Variants in TMEM233 observed in about 807,000 individuals in gnomAD.
TMEM233 encodes the protein dispanin subfamily B member 2.
In TMEM233, 6 loss-of-function variants were observed where a neutral mutation model predicts 11.2. The ratio of observed to expected loss-of-function variants is 0.54; its 90% CI spans 0.29 to 1.06. TMEM233 has a LOEUF of 1.06. Ranked by LOEUF, TMEM233 falls within the 50% of genes least tolerant of loss-of-function variation. The probability of loss-of-function intolerance (pLI) is 0.08; values close to 1 mark genes in which losing one functional copy is unlikely to be tolerated. For missense variants in TMEM233, 127 were observed against 144.7 expected, an observed-to-expected ratio of 0.88 and a Z score of 0.63; for synonymous variants, 59 against 55.8, an observed-to-expected ratio of 1.06 and a Z score of -0.26.
chr12:119,602,983 G>A (rs1035500625), intron 1 of TMEM233, among the ~76,000 whole-genome samples: 10 of 152,218 alleles, frequency 6.6e-5, no homozygotes, highest in African/African-American at 2.2e-4. Flanking sequence ...GGCCAGGCAC[G>A]GAAGCTCATG....
At chr12:119,596,809 T>C (rs1024805113) in intron 1 of TMEM233, among the ~76,000 whole-genome samples, 1 of 152,152 alleles carries the variant, frequency 6.6e-6, no homozygotes, top group East Asian at 1.9e-4. Context: ...TGTACCTTTT[T>C]AAAGCCTTGG....
downstream of TMEM233, among the ~76,000 whole-genome samples, chr12:119,644,723 C>T (rs939286800): frequency 1.3e-5 from 2 of 152,130 alleles, no homozygotes; most frequent in Non-Finnish European, 2.9e-5. Flanking sequence ...AGGTGATCCA[C>T]CCACCTCGGC....
intron 1 of TMEM233, among the ~76,000 whole-genome samples, chr12:119,617,067 G>A (rs891511245): frequency 6.6e-6 from 1 of 152,154 alleles, no homozygotes; most frequent in Non-Finnish European, 1.5e-5. Context: ...CACAGAGAGT[G>A]GGGAGCTGCT....
chr12:119,607,224 G>A (rs1954298446), intron 1 of TMEM233, among the ~76,000 whole-genome samples: 1 of 152,154 alleles, frequency 6.6e-6, no homozygotes, highest in Non-Finnish European at 1.5e-5. Context: ...ACCCACCAGG[G>A]TTTTAATCTT....
chr12:119,638,316 A>C lies in TMEM233; in HGVS notation c.324-2383A>C, dbSNP rs374056866. Reference sequence around the variant, plus strand: ...CTCTACTAAAAATTTAAAAAAATATATCTGGGCTTGGTGGCATGCACCTGT... The same window carrying C: ...CTCTACTAAAAATTTAAAAAAATATCTCTGGGCTTGGTGGCATGCACCTGT... On this transcript the variant is annotated intron_variant, in intron 2 of 2. Transcript: ENST00000426426. Among the ~76,000 whole-genome samples, 23 of 152,156 alleles carry C rather than the reference A, an allele frequency of 1.5e-4. 1 individual carries two copies. Among genetic ancestry groups the C allele is most frequent in the South Asian group, 1.5e-3 (7 of 4,816 alleles).
chr12:119,633,956 T>A (rs1383483747), intron 2 of TMEM233, among the ~76,000 whole-genome samples: 1 of 152,218 alleles, frequency 6.6e-6, no homozygotes, highest in Admixed American at 6.5e-5. Context: ...AACATCTGCA[T>A]CTTTCAGCTG....
intron 1 of TMEM233, among the ~76,000 whole-genome samples, chr12:119,612,750 CAAA>C (rs35540796): frequency 8.5e-4 from 92 of 108,520 alleles, no homozygotes; most frequent in African/African-American, 1.4e-3. Context: ...GACTCCGTCT[CAAA>C]AAAAAAAAAA....
intron 2 of TMEM233, among the ~76,000 whole-genome samples, chr12:119,637,471 T>G (rs757811940): frequency 5.9e-5 from 9 of 152,244 alleles, no homozygotes; most frequent in Non-Finnish European, 1.0e-4. Context: ...AATCCTTTCC[T>G]GGTCTCAAAA....
At chr12:119,622,712 C>G (rs2136746325) in intron 1 of TMEM233, among the ~76,000 whole-genome samples, 1 of 152,296 alleles carries the variant, frequency 6.6e-6, no homozygotes, top group Non-Finnish European at 1.5e-5. Context: ...AATCTCAGAG[C>G]TGGAATCTCT....
In TMEM233 at chr12:119,614,411, C is replaced by CGAGAGAGAGAGA. The variant is rs57846015; in HGVS notation, c.187-15311_187-15300dup. ...GAGAGAGAGAGAGACTCCATCTCAA[C>CGAGAGAGAGAGA]GAGAGAGAGAGAGAGAGAGAGAGAG... On this transcript the variant is annotated intron_variant, in intron 1 of 2. Coordinates refer to ENST00000426426, the MANE Select transcript of TMEM233 (RefSeq NM_001136534.3). Among the ~76,000 whole-genome samples the CGAGAGAGAGAGA allele has an allele frequency of 3.1e-4, 45 of 143,628 alleles. 1 individual carries two copies. Among genetic ancestry groups the CGAGAGAGAGAGA allele is most frequent in the African/African-American group, 1.0e-3 (41 of 39,212 alleles). 94.2% of individuals were successfully genotyped at this position (143,628 alleles called of 152,430 possible). A position where few individuals can be genotyped will look rare whatever the true frequency, so the allele number is the denominator to read the frequency against.
chr12:119,601,079 C>T (rs953903835), intron 1 of TMEM233, among the ~76,000 whole-genome samples: 1 of 151,702 alleles, frequency 6.6e-6, no homozygotes, highest in Non-Finnish European at 1.5e-5. Flanking sequence ...GAAAGTTCCA[C>T]AAAAAGGAAA....
the TMEM233 span, among the ~76,000 whole-genome samples, chr12:119,650,242 A>C: frequency 6.6e-6 from 1 of 152,066 alleles, no homozygotes; most frequent in Non-Finnish European, 1.5e-5. Context: ...CTTTGACATG[A>C]TCTCTCATTT....
At chr12:119,604,584 C>T (rs1421066910) in intron 1 of TMEM233, among the ~76,000 whole-genome samples, 1 of 152,082 alleles carries the variant, frequency 6.6e-6, no homozygotes, top group Non-Finnish European at 1.5e-5. Context: ...CACCTCTCCC[C>T]CTTTCTTCCA....
At chr12:119,609,197 A>G (rs1025267949) in intron 1 of TMEM233, among the ~76,000 whole-genome samples, 10 of 152,152 alleles carry the variant, frequency 6.6e-5, no homozygotes, top group Non-Finnish European at 1.5e-4. Context: ...AGTAAAGGTC[A>G]CTCTTGCTAT....
chr12:119,633,169 C>A (rs757716820), intron 2 of TMEM233, among the ~76,000 whole-genome samples: 10 of 152,118 alleles, frequency 6.6e-5, no homozygotes, highest in Non-Finnish European at 8.8e-5. Context: ...ACCACACAGG[C>A]TATCTGGGCA....
intron 1 of TMEM233, among the ~76,000 whole-genome samples, chr12:119,614,815 T>C (rs955651168): frequency 2.0e-5 from 3 of 152,174 alleles, no homozygotes; most frequent in African/African-American, 7.2e-5. Flanking sequence ...ATCAATTATA[T>C]GATGTACATA....
intron 1 of TMEM233, among the ~76,000 whole-genome samples, chr12:119,606,098 A>C (rs79736618): frequency 0.015 from 2,235 of 152,360 alleles, 62 homozygotes; most frequent in African/African-American, 0.051. Flanking sequence ...TCGTCTAAAA[A>C]TTCAGATGTT....
intron 1 of TMEM233, among the ~76,000 whole-genome samples, chr12:119,605,939 C>T (rs1175247810): frequency 6.6e-6 from 1 of 152,034 alleles, no homozygotes; most frequent in Non-Finnish European, 1.5e-5. Context: ...AGCCCAAAAG[C>T]CCAAGAAGAA....
chr12:119,647,334 T>G (rs539944758), downstream of TMEM233, among the ~76,000 whole-genome samples: 107 of 152,378 alleles, frequency 7.0e-4, 3 homozygotes, highest in South Asian at 0.022. Context: ...GTGTCTCTTT[T>G]GTAGTTAAGA....
Sources: gnomAD v4.1 joint callset for allele counts (sites outside exome capture counted in the v4.1 genomes callset) on GRCh38, gnomAD v4.1.1 for gene constraint, MANE v1.5 for transcripts, NCBI Gene and HGNC (gene_info 2026-07-23, HGNC 2026-07-21) for gene names.